Variants in RNF11 observed in about 807,000 individuals in gnomAD.
RNF11 encodes ring finger protein 11.
RNF11 carries 4 observed loss-of-function variants against 15.8 expected under a neutral mutation model. That is an observed-to-expected ratio of 0.25 (90% CI 0.12 to 0.58). RNF11 has a LOEUF of 0.58. Among genes scored for constraint, RNF11 ranks in the 20% least tolerant of loss-of-function variants. The pLI is 0.91. For missense variants in RNF11, 139 were observed against 194.4 expected, an observed-to-expected ratio of 0.71 and a Z score of 1.70; for synonymous variants, 68 against 72.3, an observed-to-expected ratio of 0.94 and a Z score of 0.30.
Position 51,236,846 on chromosome 1 carries a change from G to C in RNF11, c.90G>C (p.Thr30=), listed in dbSNP as rs772518916. Reference sequence around the variant, plus strand: ...ACCGGGCTAGCTTTGGCGAGGGGACGGAGCCGGATCAGGAGCCGCCGCCGC... The same window carrying C: ...ACCGGGCTAGCTTTGGCGAGGGGACCGAGCCGGATCAGGAGCCGCCGCCGC... The part of the protein sequence containing the change: ...QSDRASFGEG[T]EPDQEPPPPY... The change falls in exon 1 of 3, where the codon ACG becomes ACC. Residue 30 remains threonine (T), a synonymous_variant. Transcript: ENST00000242719. The C allele has an allele frequency of 1.2e-5, 19 of 1,611,420 alleles. No homozygotes were observed. The highest frequency in any genetic ancestry group is 8.8e-5 in the South Asian group (8 of 90,822).
intron 1 of RNF11, among the ~76,000 whole-genome samples, chr1:51,246,446 A>G (rs1646851979): frequency 2.0e-5 from 3 of 152,148 alleles, no homozygotes; most frequent in Non-Finnish European, 2.9e-5. Flanking sequence ...GTGTTGGCAC[A>G]TGCCTGTAGT....
chr1:51,244,829 T>C (rs1057096286), intron 1 of RNF11, among the ~76,000 whole-genome samples: 3 of 152,172 alleles, frequency 2.0e-5, no homozygotes, highest in African/African-American at 7.2e-5. Context: ...TAAAGGCTGA[T>C]TTTTTGGCAT....
At chr1:51,246,525 G>A (rs1646852276) in intron 1 of RNF11, among the ~76,000 whole-genome samples, 1 of 152,056 alleles carries the variant, frequency 6.6e-6, no homozygotes, top group South Asian at 2.1e-4. Flanking sequence ...AGCTGTGATG[G>A]CACCATTGCA....
rs1553168140 is a variant in RNF11 at position 51,236,511 on chromosome 1, C to CA, written c.-245dup. ...CTTCGTCTCCCCGCCCCCCCCCCCC[C>CA]ATCGCTGCCTCGCAGGAGGCGAACG... is the stretch of plus-strand genomic sequence containing the variant. On this transcript the variant is annotated 5_prime_UTR_variant, in exon 1 of 3. Coordinates refer to ENST00000242719, the MANE Select transcript of RNF11 (RefSeq NM_014372.5). 2.1e-5 allele frequency: 3 copies of CA among 141,126 alleles called. No homozygotes were observed. The highest frequency in any genetic ancestry group is 8.7e-5 in the African/African-American group (3 of 34,368). The allele number at this position is 141,126 out of a possible 1,614,324, so 8.7% of individuals were successfully genotyped here. A position where few individuals can be genotyped will look rare whatever the true frequency, so the allele number is the denominator to read the frequency against.
intron 1 of RNF11, among the ~76,000 whole-genome samples, chr1:51,266,771 A>G (rs189356185): frequency 2.0e-5 from 3 of 152,256 alleles, no homozygotes. Flanking sequence ...CGCATTAGCA[A>G]TTTTTCATAG....
chr1:51,256,866 G>A (rs1569671475), intron 1 of RNF11, among the ~76,000 whole-genome samples: 1 of 152,118 alleles, frequency 6.6e-6, no homozygotes, highest in African/African-American at 2.4e-5. Flanking sequence ...TAGAGACGGG[G>A]TTTCACCATG....
At chr1:51,252,100 A>AAAAAAAAC (rs1646881206) in intron 1 of RNF11, among the ~76,000 whole-genome samples, 1 of 150,796 alleles carries the variant, frequency 6.6e-6, no homozygotes, top group Non-Finnish European at 1.5e-5. Flanking sequence ...AAAAAAAAAA[A>AAAAAAAAC]AAGAAACAGA....
intron 1 of RNF11, among the ~76,000 whole-genome samples, chr1:51,238,659 G>A (rs990197199): frequency 2.0e-5 from 3 of 152,088 alleles, no homozygotes; most frequent in Admixed American, 2.0e-4. Flanking sequence ...TTTGAGTGAA[G>A]CAAGCAAGCT....
At chr1:51,250,506 G>A (rs1352433260) in intron 1 of RNF11, 14 of 531,856 alleles carry the variant, frequency 2.6e-5, no homozygotes, top group East Asian at 1.3e-4. Context: ...GTGCTAATTT[G>A]TTTACACAAG....
At chr1:51,245,262 C>G (rs374359594) in intron 1 of RNF11, among the ~76,000 whole-genome samples, 1 of 151,638 alleles carries the variant, frequency 6.6e-6, no homozygotes, top group Admixed American at 6.6e-5. Flanking sequence ...AAGCAGTCCT[C>G]CCATCTCAGT....
chr1:51,240,458 C>A (rs900943454), intron 1 of RNF11, among the ~76,000 whole-genome samples: 1 of 152,174 alleles, frequency 6.6e-6, no homozygotes, highest in Non-Finnish European at 1.5e-5. Flanking sequence ...TTTTCCCCCC[C>A]AATACCATTT....
At chr1:51,264,259 CAAAAAAAAAAAAAAAAA>C (rs1158509807) in intron 1 of RNF11, among the ~76,000 whole-genome samples, 2 of 25,506 alleles carry the variant, frequency 7.8e-5, no homozygotes, top group African/African-American at 1.7e-4. Context: ...GACCCTATCT[CAAAAAAAAAAAAAAAAA>C]AAAAAAAAAA....
At chr1:51,268,245 G>A (rs578001751) in intron 1 of RNF11, among the ~76,000 whole-genome samples, 37 of 152,296 alleles carry the variant, frequency 2.4e-4, no homozygotes, top group African/African-American at 8.9e-4. Context: ...GGTAAGAAGG[G>A]TGAGGCCACA....
Position 51,236,874 on chromosome 1 carries a change from T to G in RNF11, c.118T>G (p.Tyr40Asp). The G allele has an allele frequency of 6.2e-7, 1 of 1,611,632 alleles. No homozygotes were observed. Among genetic ancestry groups the G allele is most frequent in the Non-Finnish European group, 8.5e-7 (1 of 1,178,922 alleles). The change falls in exon 1 of 3, where the codon TAT becomes GAT. Residue 40 changes from tyrosine to aspartate, a missense_variant. Transcript: ENST00000242719. ...TEPDQEPPPP[Y>D]QEQVPVPVYH... Reference sequence around the variant, plus strand: ...GCCGGATCAGGAGCCGCCGCCGCCATATCAGGTAGGGGAGGGTGTGTGTTG... The same window carrying G: ...GCCGGATCAGGAGCCGCCGCCGCCAGATCAGGTAGGGGAGGGTGTGTGTTG...
rs535672745 is a variant in RNF11, at chr1:51,273,433, T to A, written c.*2111T>A. The A allele has an allele frequency of 9.2e-5, 14 of 152,194 alleles. No homozygotes were observed. Among genetic ancestry groups the A allele is most frequent in the Non-Finnish European group, 1.5e-4 (10 of 68,010 alleles). The allele number at this position is 152,194 out of a possible 1,614,324, so 9.4% of individuals were successfully genotyped here. ...TTTACTAAGTTGTTAAATAAAGTTATAATACAGCTGTGAAGGGCTAAAGTT... is the reference window on the plus strand; with the variant it reads ...TTTACTAAGTTGTTAAATAAAGTTAAAATACAGCTGTGAAGGGCTAAAGTT... On this transcript the variant is annotated 3_prime_UTR_variant, in exon 3 of 3. Transcript: ENST00000242719.
At chr1:51,265,598 T>G (rs1646951450) in intron 1 of RNF11, among the ~76,000 whole-genome samples, 1 of 152,244 alleles carries the variant, frequency 6.6e-6, no homozygotes, top group Non-Finnish European at 1.5e-5. Flanking sequence ...TCTCTGTGAA[T>G]TCCATCTTGA....
intron 1 of RNF11, among the ~76,000 whole-genome samples, chr1:51,255,306 G>T (rs998097382): frequency 2.0e-5 from 3 of 152,150 alleles, no homozygotes; most frequent in African/African-American, 7.2e-5. Flanking sequence ...TGTTGCCCAT[G>T]CTTGAGTGCA....
chr1:51,236,910 G>GT, intron 1 of RNF11, 31 bp downstream of exon 1: 2 of 1,589,456 alleles, frequency 1.3e-6, no homozygotes, highest in East Asian at 2.3e-5. Context: ...GGGGGAGCGA[G>GT]TAGAGGCAGC....
chr1:51,258,946 C>G (rs1217343535), intron 1 of RNF11, among the ~76,000 whole-genome samples: 1 of 152,178 alleles, frequency 6.6e-6, no homozygotes, highest in African/African-American at 2.4e-5. Flanking sequence ...CACTCCCCAC[C>G]CCATTTTCAT....
Sources: gnomAD v4.1 joint callset for allele counts (sites outside exome capture counted in the v4.1 genomes callset) on GRCh38, gnomAD v4.1.1 for gene constraint, MANE v1.5 for transcripts, NCBI Gene and HGNC (gene_info 2026-07-23, HGNC 2026-07-21) for gene names.